UTP11: variants seen among roughly 807,000 people sequenced by gnomAD.
The protein encoded by UTP11 is UTP11 small subunit processome component.
A neutral mutation model predicts 39.0 loss-of-function variants in UTP11; 29 were observed. The ratio of observed to expected loss-of-function variants is 0.74; its 90% confidence interval spans 0.55 to 1.01. The LOEUF is 1.01. UTP11 is among the 50% of genes least tolerant of loss of function. The pLI is 0.00. For synonymous variants in UTP11, 111 were observed against 105.0 expected, an observed-to-expected ratio of 1.06 and a Z score of -0.35; for missense variants, 281 against 306.0, an observed-to-expected ratio of 0.92 and a Z score of 0.61.
At chr1:38,019,416 T>G (rs772370264) in intron 6 of UTP11, 33 bp downstream of exon 6, 1 of 1,497,972 alleles carries the variant, frequency 6.7e-7, no homozygotes, top group Non-Finnish European at 8.9e-7. Context: ...ACATGTGAGC[T>G]TAGGGGAATC....
At position 38,012,880 on chromosome 1, in the gene UTP11, G is replaced by T. The variant is rs768095715; in HGVS notation, c.63+15G>T. ...AGCGAAGCCAGGTAGGACCATACAG[G>T]CCCCACAAGTGCTGGCCTTTGTCGC... is the stretch of plus-strand genomic sequence containing the variant. On this transcript the variant is annotated intron_variant, in intron 1 of 7. Coordinates refer to ENST00000373014, the MANE Select transcript of UTP11 (RefSeq NM_016037.4). The T allele has an allele frequency of 1.9e-5, 30 of 1,614,150 alleles. No homozygotes were observed. The South Asian group carries it at 2.5e-4, about 14-fold the overall frequency.
At chr1:38,017,524 C>G (rs1646712757) in intron 2 of UTP11, 144 bp from the exon 3 acceptor site, 1 of 586,006 alleles carries the variant, frequency 1.7e-6, no homozygotes. Context: ...GTGTCCAGAT[C>G]CAGTCAGTGC....
intron 1 of UTP11, among the ~76,000 whole-genome samples, chr1:38,013,833 G>T (rs1646691979): frequency 1.3e-5 from 2 of 152,152 alleles, no homozygotes; most frequent in South Asian, 4.1e-4. Context: ...TCCTGCCTCA[G>T]CCTCTCGAGT....
chr1:38,016,364 C>A lies in UTP11; in HGVS notation c.69C>A (p.Gly23=). 1 of 1,614,214 alleles carries A rather than the reference C, an allele frequency of 6.2e-7. No homozygotes were observed. Among genetic ancestry groups the A allele is most frequent in the Non-Finnish European group, 8.5e-7 (1 of 1,180,028 alleles). The change falls in exon 2 of 8, where the codon GGC becomes GGA. Residue 23 remains glycine, a synonymous_variant. Transcript: ENST00000373014. ...TTCTTTCTTTTGTCTTCTAGCCTGG[C>A]TTTCGAAAACATCTGGGCCTGCTGG... The part of the protein sequence containing the change: ...QREHRERSQP[G]FRKHLGLLEK...
At chr1:38,012,890 T>TC in intron 1 of UTP11, 25 bp downstream of exon 1, 1 of 1,614,106 alleles carries the variant, frequency 6.2e-7, no homozygotes, top group Non-Finnish European at 8.5e-7. Flanking sequence ...GCCCCACAAG[T>TC]GCTGGCCTTT....
chr1:38,020,490 C>T (rs1646730328), intron 6 of UTP11, among the ~76,000 whole-genome samples: 5 of 152,042 alleles, frequency 3.3e-5, no homozygotes. Context: ...CTGGGTTGTG[C>T]AGAAGACATG....
At chr1:38,014,425 T>C (rs550296413) in intron 1 of UTP11, among the ~76,000 whole-genome samples, 1 of 152,346 alleles carries the variant, frequency 6.6e-6, no homozygotes, top group East Asian at 1.9e-4. Flanking sequence ...ATATTTTGTA[T>C]GGAGGGTGTA....
At chr1:38,018,349 G>A in intron 3 of UTP11, 115 bp from the exon 4 acceptor site, 1 of 652,214 alleles carries the variant, frequency 1.5e-6, no homozygotes, top group Non-Finnish European at 2.6e-6. Context: ...GGGATTACAG[G>A]TGTGAGTGAC....
chr1:38,016,368 C>A lies in UTP11; in HGVS notation c.73C>A (p.Arg25=). ...TTCTTTTGTCTTCTAGCCTGGCTTT[C>A]GAAAACATCTGGGCCTGCTGGAGAA... ...EHRERSQPGF[R]KHLGLLEKKK... The change falls in exon 2 of 8, where the codon CGA becomes AGA. Residue 25 remains arginine (R), a synonymous_variant. Transcript: ENST00000373014. 6.2e-7 allele frequency: 1 copy of A among 1,614,176 alleles called. No homozygotes were observed. Among genetic ancestry groups the A allele is most frequent in the Non-Finnish European group, 8.5e-7 (1 of 1,180,016 alleles).
chr1:38,017,520 A>G (rs763934463), intron 2 of UTP11, 148 bp from the exon 3 acceptor site: 77 of 578,696 alleles, frequency 1.3e-4, no homozygotes, highest in Non-Finnish European at 2.2e-4. Context: ...TGGAGTGTCC[A>G]GATCCAGTCA....
intron 1 of UTP11, among the ~76,000 whole-genome samples, chr1:38,013,314 TG>T (rs1252722474): frequency 2.0e-5 from 3 of 152,236 alleles, no homozygotes; most frequent in Non-Finnish European, 4.4e-5. Context: ...GCTGGGCTTG[TG>T]GTTCATGAAG....
chr1:38,013,921 G>T (rs1646692649), intron 1 of UTP11, among the ~76,000 whole-genome samples: 1 of 152,188 alleles, frequency 6.6e-6, no homozygotes, highest in South Asian at 2.1e-4. Context: ...TGTCAGATTG[G>T]CCAGGCTGGT....
chr1:38,016,327 T>G, intron 1 of UTP11, 32 bp from the exon 2 acceptor site: 2 of 1,612,098 alleles, frequency 1.2e-6, no homozygotes, highest in Non-Finnish European at 1.7e-6. Flanking sequence ...CGGAGGAAAC[T>G]AAGCACTGTT....
chr1:38,017,624 A>G lies in UTP11; in HGVS notation c.126-44A>G, dbSNP rs201793182. 3.1e-6 allele frequency: 3 copies of G among 964,010 alleles called. No individual in the cohort carries two copies. The African/African-American group carries it at 5.4e-5, about 17-fold the overall frequency. The allele number at this position is 964,010 out of a possible 1,614,324, so 59.7% of individuals were successfully genotyped here. A position where few individuals can be genotyped will look rare whatever the true frequency, so the allele number is the denominator to read the frequency against. ...GGTTTTTGGTTTTTTAAAATTATCTATTTTTTTTTTTTTGCTATGAACCTC... is the reference window on the plus strand; with the variant it reads ...GGTTTTTGGTTTTTTAAAATTATCTGTTTTTTTTTTTTTGCTATGAACCTC... On this transcript the variant is annotated intron_variant, in intron 2 of 7. Coordinates refer to ENST00000373014, the MANE Select transcript of UTP11 (RefSeq NM_016037.4).
rs1646707492 is a variant in UTP11, at chr1:38,016,428, C to G, written c.125+8C>G. On this transcript the variant is annotated splice_region_variant and intron_variant, in intron 2 of 7. Coordinates refer to ENST00000373014, the MANE Select transcript of UTP11 (RefSeq NM_016037.4). ...TTACAAACTTCGTGCAGAGTGAGTT[C>G]AGTCTTTCTGGTAGAGGCGCTGCCA... 2.5e-6 allele frequency: 4 copies of G among 1,614,022 alleles called. No individual in the cohort carries two copies. The East Asian group carries it at 8.9e-5, about 36-fold the overall frequency.
intron 3 of UTP11, 45 bp from the exon 4 acceptor site, chr1:38,018,419 G>T (rs745489323): frequency 5.4e-5 from 78 of 1,446,692 alleles, no homozygotes; most frequent in African/African-American, 4.2e-5. Flanking sequence ...ACTTATTAAT[G>T]ATTTTAATCT....
rs1451839619 is a variant in UTP11 at position 38,022,971 on chromosome 1, G to GCATT, written c.678+162_678+163insCATT. Reference sequence around the variant, plus strand: ...TGAGCCAGTGTCTGTTACTCTGACAGTGTTGAAATGCGCCTTGATTAAGGA... The same window carrying GCATT: ...TGAGCCAGTGTCTGTTACTCTGACAGCATTTGTTGAAATGCGCCTTGATTAAGGA... On this transcript the variant is annotated intron_variant, in intron 7 of 7. Coordinates refer to ENST00000373014, the MANE Select transcript of UTP11 (RefSeq NM_016037.4). Among the ~76,000 whole-genome samples the GCATT allele has an allele frequency of 6.6e-5, 10 of 152,272 alleles. No homozygotes were observed. In the East Asian group the frequency reaches 1.7e-3, roughly 26 times the overall value.
At position 38,023,771 on chromosome 1, in the gene UTP11, A is replaced by G. The variant is rs568033825; in HGVS notation, c.*143A>G. 246 of 580,654 alleles carry G rather than the reference A, an allele frequency of 4.2e-4. No individual in the cohort carries two copies. The highest frequency in any genetic ancestry group is 3.7e-3 in the African/African-American group (190 of 51,842). 36.0% of individuals were successfully genotyped at this position (580,654 alleles called of 1,614,324 possible). ...TCAGTCTGACATTTAATGTCTTTCTATGGACAACATTAAATCTCCCTCCCT... is the reference window on the plus strand; with the variant it reads ...TCAGTCTGACATTTAATGTCTTTCTGTGGACAACATTAAATCTCCCTCCCT... On this transcript the variant is annotated 3_prime_UTR_variant, in exon 8 of 8. Transcript: ENST00000373014.
intron 3 of UTP11, among the ~76,000 whole-genome samples, chr1:38,018,081 T>C (rs939456411): frequency 1.3e-5 from 2 of 152,212 alleles, no homozygotes; most frequent in Admixed American, 1.3e-4. Context: ...CTTTTTGTTT[T>C]TTTTTTTGAG....
Sources: allele counts gnomAD v4.1 joint callset (sites outside exome capture counted in the v4.1 genomes callset), GRCh38; gene constraint gnomAD v4.1.1; transcripts MANE v1.5; gene names NCBI Gene and HGNC (gene_info 2026-07-23, HGNC 2026-07-21).